The following HPSE2 variants were observed in gnomAD, a reference collection of about 807,000 sequenced individuals.
The protein encoded by HPSE2 is inactive heparanase-2.
In HPSE2, 38 loss-of-function variants were observed where a neutral mutation model predicts 60.5. That is an observed-to-expected ratio of 0.63 (90% CI 0.48 to 0.82). The LOEUF (loss-of-function observed/expected upper bound fraction) is 0.82. HPSE2 is among the 40% of genes least tolerant of loss of function. HPSE2 has a pLI of 0.00. For missense variants in HPSE2, 713 were observed against 740.4 expected, an observed-to-expected ratio of 0.96 and a Z score of 0.43; for synonymous variants, 295 against 293.2, an observed-to-expected ratio of 1.01 and a Z score of -0.06.
chr10:98,526,940 CT>C (rs978443579), intron 9 of HPSE2, among the ~76,000 whole-genome samples: 1 of 151,916 alleles, frequency 6.6e-6, no homozygotes. Flanking sequence ...GGGGCAAAAA[CT>C]TTTTTTTAAA....
At chr10:99,079,360 T>C (rs527802711) in intron 3 of HPSE2, among the ~76,000 whole-genome samples, 1 of 152,086 alleles carries the variant, frequency 6.6e-6, no homozygotes, top group Admixed American at 6.5e-5. Flanking sequence ...TCCACCTCGG[T>C]TCTCACTGGC....
chr10:99,068,651 G>A (rs1015668691), intron 3 of HPSE2, among the ~76,000 whole-genome samples: 1 of 152,012 alleles, frequency 6.6e-6, no homozygotes, highest in East Asian at 1.9e-4. Flanking sequence ...CAATTAAATG[G>A]ACAATAGAAA....
chr10:99,233,304 C>A (rs1435756289), intron 1 of HPSE2, among the ~76,000 whole-genome samples: 7 of 152,164 alleles, frequency 4.6e-5, no homozygotes, highest in African/African-American at 1.7e-4. Context: ...CTCCTCCCCA[C>A]CCCACCCCCG....
At chr10:99,156,228 G>A (rs1378888249) in intron 2 of HPSE2, among the ~76,000 whole-genome samples, 1 of 114,562 alleles carries the variant, frequency 8.7e-6, no homozygotes, top group Non-Finnish European at 1.9e-5. Context: ...GAAAAAGAGG[G>A]AATCCTCCCT....
chr10:98,982,734 T>C (rs1171033954), intron 3 of HPSE2, among the ~76,000 whole-genome samples: 1 of 152,142 alleles, frequency 6.6e-6, no homozygotes, highest in Non-Finnish European at 1.5e-5. Flanking sequence ...GAAAATAAAC[T>C]GTGCTTACTG....
chr10:98,870,945 T>TAAAAAA (rs11423592), intron 3 of HPSE2, among the ~76,000 whole-genome samples: 1 of 142,124 alleles, frequency 7.0e-6, no homozygotes, highest in Non-Finnish European at 1.5e-5. Context: ...TTTAAATTAT[T>TAAAAAA]AAAAAAAAAA....
At chr10:98,553,285 G>C (rs2018085) in intron 9 of HPSE2, among the ~76,000 whole-genome samples, 70,542 of 152,058 alleles carry the variant, frequency 0.46, 18,977 homozygotes, top group Middle Eastern at 0.6. Context: ...ATTGAGAATA[G>C]AGAACACTGT....
At chr10:98,598,642 G>A (rs1565000544) in intron 9 of HPSE2, among the ~76,000 whole-genome samples, 2 of 152,102 alleles carry the variant, frequency 1.3e-5, no homozygotes, top group Admixed American at 6.5e-5. Context: ...AACTGACCTG[G>A]TGCTGGGACA....
At chr10:99,097,876 G>C (rs955322856) in intron 3 of HPSE2, among the ~76,000 whole-genome samples, 3 of 152,114 alleles carry the variant, frequency 2.0e-5, no homozygotes, top group Non-Finnish European at 2.9e-5. Flanking sequence ...CTGAATCCCA[G>C]ATCTTCCGCT....
chr10:98,459,792 C>T (rs938257460), intron 11 of HPSE2, 53 bp from the exon 12 acceptor site: 44 of 1,545,868 alleles, frequency 2.8e-5, no homozygotes, highest in Non-Finnish European at 3.8e-5. Context: ...AAGGGAGCCA[C>T]TGCAACAAAG....
chr10:99,294,295 CAGAG>C, the HPSE2 span, among the ~76,000 whole-genome samples: 7 of 148,458 alleles, frequency 4.7e-5, no homozygotes, highest in African/African-American at 7.4e-5. Context: ...TATATAGAGA[CAGAG>C]AGAGAGATGA....
At chr10:98,715,100 T>C in intron 5 of HPSE2, among the ~76,000 whole-genome samples, 1 of 151,942 alleles carries the variant, frequency 6.6e-6, no homozygotes. Flanking sequence ...TTATCAGATA[T>C]ATGACTTGCA....
At chr10:98,998,542 C>G (rs1956700861) in intron 3 of HPSE2, among the ~76,000 whole-genome samples, 1 of 152,174 alleles carries the variant, frequency 6.6e-6, no homozygotes, top group Non-Finnish European at 1.5e-5. Flanking sequence ...CTTTAGCTCC[C>G]TGGAAACGTA....
At chr10:98,592,219 A>T (rs561263772) in intron 9 of HPSE2, among the ~76,000 whole-genome samples, 5 of 152,184 alleles carry the variant, frequency 3.3e-5, no homozygotes, top group Non-Finnish European at 7.4e-5. Context: ...GTAAATCTTG[A>T]TATAACCAAA....
intron 9 of HPSE2, among the ~76,000 whole-genome samples, chr10:98,572,524 C>T (rs1944526270): frequency 1.3e-5 from 2 of 152,106 alleles, no homozygotes; most frequent in African/African-American, 4.8e-5. Flanking sequence ...GGATTTCTTC[C>T]TTCTCAAGGT....
At chr10:98,601,580 A>G (rs1945427759) in intron 9 of HPSE2, among the ~76,000 whole-genome samples, 2 of 152,214 alleles carry the variant, frequency 1.3e-5, no homozygotes, top group African/African-American at 4.8e-5. Flanking sequence ...GATAAAAAGT[A>G]GTTTCTGCAG....
At chr10:99,188,885 C>T (rs1321829679) in intron 2 of HPSE2, among the ~76,000 whole-genome samples, 2 of 152,214 alleles carry the variant, frequency 1.3e-5, no homozygotes, top group African/African-American at 4.8e-5. Context: ...CATGACTTCT[C>T]AGTCCTGAGG....
intron 3 of HPSE2, among the ~76,000 whole-genome samples, chr10:98,990,745 C>G (rs1956503475): frequency 6.6e-6 from 1 of 152,184 alleles, no homozygotes; most frequent in Non-Finnish European, 1.5e-5. Flanking sequence ...TCCTGGAGCT[C>G]TAGCAACAGG....
chr10:98,522,120 A>G (rs1942814123), intron 9 of HPSE2, among the ~76,000 whole-genome samples: 1 of 150,638 alleles, frequency 6.6e-6, no homozygotes, highest in Non-Finnish European at 1.5e-5. Context: ...GTACCCTAGA[A>G]CTTAAAGGAT....
Sources: gnomAD v4.1 joint callset for allele counts (sites outside exome capture counted in the v4.1 genomes callset) on GRCh38, gnomAD v4.1.1 for gene constraint, MANE v1.5 for transcripts, NCBI Gene and HGNC (gene_info 2026-07-23, HGNC 2026-07-21) for gene names.